The following PTGIS variants were observed in gnomAD, a reference collection of about 807,000 sequenced individuals.
PTGIS encodes the protein prostaglandin I2 synthase, also known as prostacyclin synthase.
In PTGIS, 45 loss-of-function variants were observed where a neutral mutation model predicts 50.3. The observed-to-expected ratio is 0.90, with a 90% CI of 0.70 to 1.15. The LOEUF (loss-of-function observed/expected upper bound fraction) is 1.15, where lower values mean the gene tolerates loss of function less well. PTGIS is among the 50% of genes most tolerant of loss of function. PTGIS has a pLI of 0.00. For missense variants in PTGIS, 668 were observed against 661.3 expected, an observed-to-expected ratio of 1.01 and a Z score of -0.11; for synonymous variants, 260 against 267.7, an observed-to-expected ratio of 0.97 and a Z score of 0.28.
chr20:49,509,242 C>T (rs1365307592), intron 9 of PTGIS, among the ~76,000 whole-genome samples: 1 of 152,182 alleles, frequency 6.6e-6, no homozygotes, highest in African/African-American at 2.4e-5. Flanking sequence ...GTTTTGTGCC[C>T]ACCCCTGGAT....
intron 1 of PTGIS, among the ~76,000 whole-genome samples, chr20:49,560,512 G>A (rs1982743237): frequency 1.3e-5 from 2 of 152,146 alleles, no homozygotes; most frequent in African/African-American, 4.8e-5. Context: ...CCAAAAGGGT[G>A]AACTAAATGG....
chr20:49,534,614 A>AT lies in PTGIS; in HGVS notation c.673+4955dup, dbSNP rs559412293. On this transcript the variant is annotated intron_variant, in intron 5 of 9. Coordinates refer to ENST00000244043, the MANE Select transcript of PTGIS (RefSeq NM_000961.4). ...ATGTGGCAGGTGCTTTATGCACAGG[A>AT]TTTTGCAGACAGACAGACCAAGTTT... is the stretch of plus-strand genomic sequence containing the variant. 9.3e-3 allele frequency among the ~76,000 whole-genome samples: 1,411 copies of AT among 152,210 alleles called. 18 individuals carry two copies. Among genetic ancestry groups the AT allele is most frequent in the Non-Finnish European group, 0.014 (968 of 68,020 alleles).
chr20:49,524,239 C>T lies in PTGIS; in HGVS notation c.674G>A (p.Gly225Glu), dbSNP rs201288052. Reference protein sequence around the residue: ...PKLARGSLSVGDKDHMCSVKS... With the variant: ...PKLARGSLSVEDKDHMCSVKS... ...GACACTGCACATGTGGTCCTTGTCC[C>T]CTGCAGGGACAGAGCACAGAGAGTA... Residue 225 changes from glycine to glutamate, a missense_variant and splice_region_variant, in exon 6 of 10, where the codon GGG becomes GAG. By Grantham distance (98) the Gly-to-Glu change is moderately conservative. Coordinates refer to ENST00000244043, the MANE Select transcript of PTGIS (RefSeq NM_000961.4). 13 of 1,613,854 alleles carry T rather than the reference C, an allele frequency of 8.1e-6. No homozygotes were observed. The highest frequency in any genetic ancestry group is 3.3e-5 in the South Asian group (3 of 91,076).
At chr20:49,548,052 T>A in intron 2 of PTGIS, 33 bp from the exon 3 acceptor site, 7 of 1,601,808 alleles carry the variant, frequency 4.4e-6, no homozygotes, top group South Asian at 1.1e-5. Flanking sequence ...GAGTGAGGAG[T>A]GTCACTGTGA....
rs191414207 is a variant in PTGIS at position 49,566,255 on chromosome 20, A to G, written c.74+1788T>C. The stretch of plus-strand genomic sequence containing the variant: ...CAAACAAACAAACAAACAAAAAAAG[A>G]GCCCATAACGTATTCACATGATGGA... On this transcript the variant is annotated intron_variant, in intron 1 of 9. Transcript: ENST00000244043. Among the ~76,000 whole-genome samples the G allele has an allele frequency of 1.2e-3, 179 of 152,334 alleles. 1 individual carries two copies. Among genetic ancestry groups the G allele is most frequent in the African/African-American group, 4.2e-3 (173 of 41,580 alleles).
intron 1 of PTGIS, among the ~76,000 whole-genome samples, chr20:49,553,937 A>G (rs1982568459): frequency 1.3e-5 from 2 of 152,178 alleles, no homozygotes; most frequent in South Asian, 4.1e-4. Context: ...TATGAAAAAC[A>G]TTTTATGTGA....
At chr20:49,539,429 C>A (rs1225032778) in intron 5 of PTGIS, 141 bp downstream of exon 5, 4 of 1,037,960 alleles carry the variant, frequency 3.9e-6, no homozygotes, top group Non-Finnish European at 5.5e-6. Context: ...TGCATACCCC[C>A]AGTGATGGGG....
chr20:49,554,217 T>C (rs1982574108), intron 1 of PTGIS, among the ~76,000 whole-genome samples: 1 of 152,212 alleles, frequency 6.6e-6, no homozygotes, highest in South Asian at 2.1e-4. Flanking sequence ...TCAGCTCATA[T>C]AAATTTTTTC....
intron 1 of PTGIS, among the ~76,000 whole-genome samples, chr20:49,557,614 G>A (rs1432186949): frequency 1.3e-5 from 2 of 151,476 alleles, no homozygotes; most frequent in African/African-American, 2.4e-5. Flanking sequence ...AGAAAACCGG[G>A]GAGAAAGGAA....
In PTGIS at chr20:49,524,306, C is replaced by G. The variant is rs1051109582; in HGVS notation, c.674-67G>C. ...CATCCCACACCCAGGGCTGGCCAGG[C>G]ATGACCTCCCATGAGGCCAAGGGTC... is the stretch of plus-strand genomic sequence containing the variant. On this transcript the variant is annotated intron_variant, in intron 5 of 9. Transcript: ENST00000244043. 6 of 1,550,310 alleles carry G rather than the reference C, an allele frequency of 3.9e-6. No homozygotes were observed. In the African/African-American group the frequency reaches 8.1e-5, roughly 21 times the overall value.
chr20:49,527,878 G>T (rs921476481), intron 5 of PTGIS, among the ~76,000 whole-genome samples: 2 of 152,210 alleles, frequency 1.3e-5, no homozygotes, highest in Non-Finnish European at 2.9e-5. Context: ...GCTCACGCAT[G>T]TAATCCCAAC....
At chr20:49,560,450 G>T (rs940352522) in intron 1 of PTGIS, among the ~76,000 whole-genome samples, 1 of 151,986 alleles carries the variant, frequency 6.6e-6, no homozygotes, top group Non-Finnish European at 1.5e-5. Context: ...AGCACTCCCT[G>T]TCTCAGCCTC....
chr20:49,512,534 T>C (rs1981352941), intron 8 of PTGIS, among the ~76,000 whole-genome samples: 1 of 152,170 alleles, frequency 6.6e-6, no homozygotes, highest in African/African-American at 2.4e-5. Flanking sequence ...AATGAATGGA[T>C]GGATAGATGA....
At chr20:49,510,921 C>T in intron 9 of PTGIS, 107 bp downstream of exon 9, 1 of 1,085,846 alleles carries the variant, frequency 9.2e-7, no homozygotes, top group Non-Finnish European at 1.4e-6. Context: ...CATGTGAAGC[C>T]TCTGCCAAAC....
At chr20:49,535,691 T>A (rs1442155511) in intron 5 of PTGIS, among the ~76,000 whole-genome samples, 1 of 152,170 alleles carries the variant, frequency 6.6e-6, no homozygotes, top group Non-Finnish European at 1.5e-5. Flanking sequence ...ATTTTTTGTA[T>A]TTTTGGTAGA....
intron 3 of PTGIS, 46 bp from the exon 4 acceptor site, chr20:49,544,494 A>C (rs1982310059): frequency 1.2e-6 from 2 of 1,611,010 alleles, no homozygotes; most frequent in Admixed American, 1.7e-5. Context: ...CCAAAGGGAA[A>C]TACACACCTA....
chr20:49,554,903 C>T (rs1943537458), intron 1 of PTGIS, among the ~76,000 whole-genome samples: 1 of 152,094 alleles, frequency 6.6e-6, no homozygotes, highest in Admixed American at 6.6e-5. Flanking sequence ...ATTTGAGAAA[C>T]AGGATTTAAT....
intron 1 of PTGIS, among the ~76,000 whole-genome samples, chr20:49,567,461 G>C (rs1982928603): frequency 6.6e-6 from 1 of 152,186 alleles, no homozygotes; most frequent in Non-Finnish European, 1.5e-5. Context: ...TCTTCCAGAC[G>C]GGGAATCCCG....
Position 49,507,843 on chromosome 20 carries a change from C to A in PTGIS, c.*77G>T. On this transcript the variant is annotated 3_prime_UTR_variant, in exon 10 of 10. Transcript: ENST00000244043. ...CACCTGCACCCGGGCCAACTGTGCA[C>A]ACAGAAAGCTGGGAGGCTGGGGCAG... is the stretch of plus-strand genomic sequence containing the variant. 1 of 1,592,116 alleles carries A rather than the reference C, an allele frequency of 6.3e-7. No homozygotes were observed. Among genetic ancestry groups the A allele is most frequent in the Non-Finnish European group, 8.5e-7 (1 of 1,173,924 alleles).
Sources: gnomAD v4.1 joint callset for allele counts (sites outside exome capture counted in the v4.1 genomes callset) on GRCh38, gnomAD v4.1.1 for gene constraint, MANE v1.5 for transcripts, NCBI Gene and HGNC (gene_info 2026-07-23, HGNC 2026-07-21) for gene names.